Variants in PLGRKT observed in about 807,000 individuals in gnomAD.
PLGRKT encodes plasminogen receptor with a C-terminal lysine, also known as plasminogen receptor (KT).
In PLGRKT, 22 loss-of-function variants were observed where a neutral mutation model predicts 18.5. The ratio of observed to expected loss-of-function variants is 1.19; its 90% CI spans 0.85 to 1.70. The LOEUF (loss-of-function observed/expected upper bound fraction) is 1.70. PLGRKT is among the 40% of genes most tolerant of loss of function. The pLI, the probability that PLGRKT is intolerant of heterozygous loss-of-function variation, is 0.00. For missense variants in PLGRKT, 235 were observed against 174.4 expected, an observed-to-expected ratio of 1.35 and a Z score of -1.96; for synonymous variants, 72 against 52.8, an observed-to-expected ratio of 1.36 and a Z score of -1.58.
At chr9:5,394,608 T>G (rs1048669116) in intron 3 of PLGRKT, among the ~76,000 whole-genome samples, 1 of 151,788 alleles carries the variant, frequency 6.6e-6, no homozygotes, top group Non-Finnish European at 1.5e-5. Flanking sequence ...AGGCAGAGTC[T>G]CACCATGTTG....
At chr9:5,428,469 T>C (rs1399690083) in intron 3 of PLGRKT, among the ~76,000 whole-genome samples, 2 of 152,186 alleles carry the variant, frequency 1.3e-5, no homozygotes, top group Admixed American at 6.5e-5. Flanking sequence ...TGCAAGGCCA[T>C]GCAGTGGCTC....
At chr9:5,421,653 C>A (rs539272159) in intron 3 of PLGRKT, among the ~76,000 whole-genome samples, 1 of 152,352 alleles carries the variant, frequency 6.6e-6, no homozygotes, top group South Asian at 2.1e-4. Flanking sequence ...TTACATGGGG[C>A]AGATGCTGTG....
At chr9:5,367,492 G>C (rs1407165679) in intron 3 of PLGRKT, among the ~76,000 whole-genome samples, 1 of 152,076 alleles carries the variant, frequency 6.6e-6, no homozygotes, top group African/African-American at 2.4e-5. Context: ...AACAGGGAAA[G>C]GATTCCCTAT....
intron 3 of PLGRKT, among the ~76,000 whole-genome samples, chr9:5,386,215 C>G (rs889211204): frequency 6.6e-6 from 1 of 151,848 alleles, no homozygotes; most frequent in African/African-American, 2.4e-5. Flanking sequence ...GGCCTGCATG[C>G]AGGATAAAAA....
intron 3 of PLGRKT, among the ~76,000 whole-genome samples, chr9:5,412,465 G>C (rs1180577523): frequency 3.3e-5 from 5 of 152,200 alleles, no homozygotes; most frequent in African/African-American, 9.7e-5. Flanking sequence ...CCTATCATGA[G>C]AGTAGGTTTG....
chr9:5,378,222 A>G (rs1444760777), intron 3 of PLGRKT, among the ~76,000 whole-genome samples: 1 of 152,224 alleles, frequency 6.6e-6, no homozygotes, highest in Non-Finnish European at 1.5e-5. Context: ...TAAAGAGAAC[A>G]TCTGGAACGG....
intron 3 of PLGRKT, among the ~76,000 whole-genome samples, chr9:5,414,624 G>A (rs1005984026): frequency 1.3e-5 from 2 of 152,156 alleles, no homozygotes; most frequent in Non-Finnish European, 2.9e-5. Context: ...TGAAGGAGCC[G>A]GGAGAAACTA....
At chr9:5,365,544 T>C (rs1182618087) in intron 3 of PLGRKT, among the ~76,000 whole-genome samples, 1 of 152,086 alleles carries the variant, frequency 6.6e-6, no homozygotes, top group Non-Finnish European at 1.5e-5. Context: ...ATGAAAACAG[T>C]ATGAAAGGGC....
intron 3 of PLGRKT, among the ~76,000 whole-genome samples, chr9:5,414,591 A>C (rs902158577): frequency 6.6e-6 from 1 of 152,254 alleles, no homozygotes; most frequent in African/African-American, 2.4e-5. Flanking sequence ...ATCCAACTGC[A>C]TTACAAGTCA....
At chr9:5,382,013 G>C (rs1817756738) in intron 3 of PLGRKT, 4 of 985,046 alleles carry the variant, frequency 4.1e-6, no homozygotes, top group South Asian at 9.4e-5. Context: ...ACAAGACTTA[G>C]CAGTTGAAAA....
rs527497820 is a variant in PLGRKT at position 5,378,427 on chromosome 9, T to A, written c.82-16539A>T. 2.0e-5 allele frequency among the ~76,000 whole-genome samples: 3 copies of A among 152,238 alleles called. No homozygotes were observed. In the South Asian group the frequency reaches 6.2e-4, roughly 32 times the overall value. On this transcript the variant is annotated intron_variant, in intron 3 of 5. Coordinates refer to ENST00000223864, the MANE Select transcript of PLGRKT (RefSeq NM_018465.4). Reference sequence around the variant, plus strand: ...GAAACTGTGATAACACCGCACACAATATGAATGAATCTCATAATCCTAATG... The same window carrying A: ...GAAACTGTGATAACACCGCACACAAAATGAATGAATCTCATAATCCTAATG...
chr9:5,384,335 A>T (rs975730076), intron 3 of PLGRKT, among the ~76,000 whole-genome samples: 2 of 152,240 alleles, frequency 1.3e-5, no homozygotes, highest in Non-Finnish European at 2.9e-5. Flanking sequence ...TTCCAGAGTT[A>T]AAAAATTATC....
intron 3 of PLGRKT, among the ~76,000 whole-genome samples, chr9:5,394,241 G>T (rs2131115366): frequency 6.6e-6 from 1 of 151,922 alleles, no homozygotes; most frequent in African/African-American, 2.4e-5. Context: ...ACTTCCTGAT[G>T]AACTGAGGGT....
intron 3 of PLGRKT, among the ~76,000 whole-genome samples, chr9:5,416,847 G>A (rs1378724801): frequency 6.6e-6 from 1 of 152,186 alleles, no homozygotes; most frequent in Admixed American, 6.5e-5. Flanking sequence ...AAAAGTGCCT[G>A]TGGCACTAAT....
At chr9:5,412,370 C>T (rs1427385295) in intron 3 of PLGRKT, among the ~76,000 whole-genome samples, 1 of 152,166 alleles carries the variant, frequency 6.6e-6, no homozygotes, top group African/African-American at 2.4e-5. Context: ...AATGTGTCCC[C>T]CCAAAGTTCA....
At chr9:5,407,456 A>G (rs1196502290) in intron 3 of PLGRKT, among the ~76,000 whole-genome samples, 3 of 152,222 alleles carry the variant, frequency 2.0e-5, no homozygotes, top group East Asian at 3.8e-4. Flanking sequence ...TTTAATTATT[A>G]TAGAACTTCT....
intron 3 of PLGRKT, among the ~76,000 whole-genome samples, chr9:5,370,972 T>C (rs1817503152): frequency 6.6e-6 from 1 of 152,166 alleles, no homozygotes; most frequent in Non-Finnish European, 1.5e-5. Context: ...CAATAACTTA[T>C]AAAAATAATT....
intron 3 of PLGRKT, among the ~76,000 whole-genome samples, chr9:5,408,086 A>G (rs1446348049): frequency 6.6e-6 from 1 of 152,226 alleles, no homozygotes; most frequent in African/African-American, 2.4e-5. Context: ...TGGAGGGGCA[A>G]GAAAAAAAGT....
chr9:5,359,292 T>G (rs1208389959), intron 5 of PLGRKT, among the ~76,000 whole-genome samples: 2 of 152,058 alleles, frequency 1.3e-5, no homozygotes, highest in Admixed American at 1.3e-4. Context: ...TCAAGTGATC[T>G]GCCTGCTTTG....
Sources: allele counts gnomAD v4.1 joint callset (sites outside exome capture counted in the v4.1 genomes callset), GRCh38; gene constraint gnomAD v4.1.1; transcripts MANE v1.5; gene names NCBI Gene and HGNC (gene_info 2026-07-23, HGNC 2026-07-21).